Variants in PDE10A observed in about 807,000 individuals in gnomAD.
PDE10A encodes the protein phosphodiesterase 10A.
PDE10A carries 39 observed loss-of-function variants against 97.7 expected under a neutral mutation model. That is an observed-to-expected ratio of 0.40 (90% CI 0.31 to 0.52). The LOEUF is 0.52. Among genes scored for constraint, PDE10A ranks in the 20% least tolerant of loss-of-function variants. The pLI is 0.56. For synonymous variants in PDE10A, 371 were observed against 376.8 expected (o/e 0.98, Z 0.18); for missense variants, 731 against 1,047.8 (o/e 0.70, Z 4.17).
At chr6:165,498,484 G>GTTTAC (rs1780682435) in intron 2 of PDE10A, among the ~76,000 whole-genome samples, 1 of 117,028 alleles carries the variant, frequency 8.5e-6, no homozygotes. Context: ...CAGAGTAAGA[G>GTTTAC]TTTAGCATGA....
intron 1 of PDE10A, among the ~76,000 whole-genome samples, chr6:165,668,827 G>A (rs1054785142): frequency 2.8e-5 from 4 of 142,716 alleles, no homozygotes; most frequent in Non-Finnish European, 6.1e-5. Flanking sequence ...GGGAGGGAGG[G>A]TTCTTTCACA....
chr6:165,692,904 C>G (rs1240837089), intron 1 of PDE10A, among the ~76,000 whole-genome samples: 1 of 152,196 alleles, frequency 6.6e-6, no homozygotes, highest in Non-Finnish European at 1.5e-5. Context: ...CTGACTAAAT[C>G]CGCAGTGTCT....
At chr6:165,736,039 A>G in intron 1 of PDE10A, among the ~76,000 whole-genome samples, 1 of 152,238 alleles carries the variant, frequency 6.6e-6, no homozygotes, top group East Asian at 1.9e-4. Flanking sequence ...GCTATTATTC[A>G]GGAGTAATGG....
chr6:165,935,347 T>A (rs1783288824), intron 1 of PDE10A, among the ~76,000 whole-genome samples: 2 of 152,228 alleles, frequency 1.3e-5, no homozygotes, highest in Non-Finnish European at 2.9e-5. Flanking sequence ...ACTGGAAGTC[T>A]GTGCACAGGA....
At chr6:165,704,335 T>C (rs1045408549) in intron 1 of PDE10A, among the ~76,000 whole-genome samples, 4 of 152,068 alleles carry the variant, frequency 2.6e-5, no homozygotes, top group African/African-American at 9.7e-5. Context: ...CCCATGCAAA[T>C]TACAAACCCA....
intron 1 of PDE10A, among the ~76,000 whole-genome samples, chr6:165,732,458 C>T (rs1038833065): frequency 3.3e-5 from 5 of 152,152 alleles, no homozygotes; most frequent in East Asian, 1.9e-4. Context: ...TCACCCAAGC[C>T]GTCCAAGAGT....
intron 2 of PDE10A, among the ~76,000 whole-genome samples, chr6:165,534,526 T>C (rs1418006569): frequency 6.6e-6 from 1 of 152,032 alleles, no homozygotes; most frequent in Admixed American, 6.6e-5. Context: ...GTATCACTAA[T>C]GAACATGATG....
intron 1 of PDE10A, among the ~76,000 whole-genome samples, chr6:165,906,047 TCCCTCCCTCCCTCCCTCCGTC>T (rs1562792093): frequency 0.03 from 32 of 1,066 alleles, 1 homozygote; most frequent in African/African-American, 0.084. Context: ...CTTCCTTCCT[TCCCTCCCTCCCTCCCTCCGTC>T]CCTTCCTTCC....
intron 1 of PDE10A, among the ~76,000 whole-genome samples, chr6:165,619,371 G>GTCTAGTATAGTGTA (rs1562634555): frequency 2.6e-4 from 2 of 7,656 alleles, no homozygotes; most frequent in Non-Finnish European, 3.6e-4. Flanking sequence ...AGTGTAGTGT[G>GTCTAGTATAGTGTA]GTGTAGTGTA....
At chr6:165,448,405 C>T (rs1791022099) in intron 5 of PDE10A, among the ~76,000 whole-genome samples, 1 of 152,198 alleles carries the variant, frequency 6.6e-6, no homozygotes, top group South Asian at 2.1e-4. Flanking sequence ...TGGCAGAAGA[C>T]TGGAACAGCC....
chr6:165,815,735 A>G (rs1395565188), intron 1 of PDE10A, among the ~76,000 whole-genome samples: 1 of 152,044 alleles, frequency 6.6e-6, no homozygotes, highest in Non-Finnish European at 1.5e-5. Context: ...GTAAAGTTCC[A>G]TTGCACTTGG....
intron 3 of PDE10A, among the ~76,000 whole-genome samples, chr6:165,471,573 G>A (rs1490336268): frequency 2.6e-5 from 4 of 151,998 alleles, no homozygotes; most frequent in Admixed American, 6.6e-5. Flanking sequence ...CACACACCCT[G>A]ACCTGTCCAT....
chr6:165,334,467 C>A (rs1473222037), intron 21 of PDE10A, among the ~76,000 whole-genome samples: 1 of 151,988 alleles, frequency 6.6e-6, no homozygotes, highest in South Asian at 2.1e-4. Flanking sequence ...GCCTCCATAG[C>A]GCCCTACAGC....
chr6:165,754,994 GT>G (rs1173023055), intron 1 of PDE10A, among the ~76,000 whole-genome samples: 1 of 151,972 alleles, frequency 6.6e-6, no homozygotes, highest in Non-Finnish European at 1.5e-5. Flanking sequence ...ATAAAAATAG[GT>G]TTTTGTTTCA....
At chr6:165,465,631 T>C (rs1049565514) in intron 3 of PDE10A, among the ~76,000 whole-genome samples, 1 of 152,234 alleles carries the variant, frequency 6.6e-6, no homozygotes, top group Non-Finnish European at 1.5e-5. Flanking sequence ...AAACTTACAA[T>C]CATAGTGGAA....
intron 1 of PDE10A, among the ~76,000 whole-genome samples, chr6:165,793,356 A>T (rs1425735033): frequency 2.6e-5 from 4 of 152,044 alleles, no homozygotes; most frequent in African/African-American, 9.7e-5. Flanking sequence ...AGATTCCAAA[A>T]TCCTGTCATC....
chr6:165,436,561 A>G (rs569167213), intron 5 of PDE10A, among the ~76,000 whole-genome samples: 3 of 152,286 alleles, frequency 2.0e-5, no homozygotes, highest in Admixed American at 2.0e-4. Context: ...AAATACTTGT[A>G]TTTCCAAGTA....
intron 1 of PDE10A, among the ~76,000 whole-genome samples, chr6:165,551,919 G>A (rs149760203): frequency 5.0e-4 from 76 of 152,272 alleles, no homozygotes; most frequent in African/African-American, 1.7e-3. Flanking sequence ...TAGCAATGAT[G>A]CCACTTAGCC....
chr6:165,853,718 A>G (rs1034205623), intron 1 of PDE10A, among the ~76,000 whole-genome samples: 1 of 152,204 alleles, frequency 6.6e-6, no homozygotes, highest in Non-Finnish European at 1.5e-5. Flanking sequence ...TTCCCCAATC[A>G]ACCACATTTT....
Sources: gnomAD v4.1 joint callset for allele counts (sites outside exome capture counted in the v4.1 genomes callset) on GRCh38, gnomAD v4.1.1 for gene constraint, MANE v1.5 for transcripts, NCBI Gene and HGNC (gene_info 2026-07-23, HGNC 2026-07-21) for gene names.